Variants in CNN3 observed in about 807,000 individuals in gnomAD.
CNN3 encodes the protein calponin-3.
CNN3 carries 11 observed loss-of-function variants against 39.0 expected under a neutral mutation model. The ratio of observed to expected loss-of-function variants is 0.28; its 90% CI spans 0.18 to 0.47. The LOEUF is 0.47. CNN3 is among the 20% of genes least tolerant of loss of function. The pLI is 0.99. For synonymous variants in CNN3, 101 were observed against 138.3 expected, an observed-to-expected ratio of 0.73 and a Z score of 1.89; for missense variants, 266 against 403.4, an observed-to-expected ratio of 0.66 and a Z score of 2.92.
chr1:94,916,568 T>C (rs1006535035), intron 1 of CNN3, among the ~76,000 whole-genome samples: 1 of 152,218 alleles, frequency 6.6e-6, no homozygotes, highest in Non-Finnish European at 1.5e-5. Flanking sequence ...CTCCAGCTTC[T>C]TGTTAAAGGA....
intron 1 of CNN3, among the ~76,000 whole-genome samples, chr1:94,909,676 A>C (rs896066139): frequency 2.0e-5 from 3 of 152,214 alleles, no homozygotes. Flanking sequence ...AGCTGCTGGG[A>C]AACAGCCATG....
At chr1:94,924,587 C>A (rs749561971) in intron 1 of CNN3, 2 of 152,250 alleles carry the variant, frequency 1.3e-5, no homozygotes, top group Non-Finnish European at 2.9e-5. Flanking sequence ...CGCGCCACTG[C>A]ACTCCAGCCT....
chr1:94,916,369 G>A (rs1212249683), intron 1 of CNN3, among the ~76,000 whole-genome samples: 1 of 152,138 alleles, frequency 6.6e-6, no homozygotes, highest in African/African-American at 2.4e-5. Context: ...TCATGCCACT[G>A]CACTCCAGCC....
rs373296657 is a variant in CNN3, at chr1:94,924,633, GA to G, written c.57+2204del. On this transcript the variant is annotated intron_variant, in intron 1 of 6. Coordinates refer to ENST00000370206, the MANE Select transcript of CNN3 (RefSeq NM_001839.5). Reference sequence around the variant, plus strand: ...GCAAGACTCCGTCTCAAAAAAGAAAGAAAAAAAAATGGGGGGAAGGCGACAG... The same window carrying G: ...GCAAGACTCCGTCTCAAAAAAGAAAGAAAAAAAATGGGGGGAAGGCGACAG... 7.2e-3 allele frequency among the ~76,000 whole-genome samples: 1,085 copies of G among 150,820 alleles called. 4 individuals carry two copies. Among genetic ancestry groups the G allele is most frequent in the African/African-American group, 0.015 (629 of 41,122 alleles).
rs555827535 is a variant in CNN3 at position 94,904,007 on chromosome 1, A to G, written c.58-483T>C. Among the ~76,000 whole-genome samples, 10 of 152,276 alleles carry G rather than the reference A, an allele frequency of 6.6e-5. No individual in the cohort carries two copies. In the East Asian group the frequency reaches 9.6e-4, roughly 15 times the overall value. The stretch of plus-strand genomic sequence containing the variant: ...AAGTTCTGGTATTTGCCTTCTATTC[A>G]GCCAAATACACACTATATACTAAAC... On this transcript the variant is annotated intron_variant, in intron 1 of 6. Coordinates refer to ENST00000370206, the MANE Select transcript of CNN3 (RefSeq NM_001839.5).
chr1:94,903,464 T>C lies in CNN3; in HGVS notation c.118A>G (p.Thr40Ala). The C allele has an allele frequency of 6.2e-7, 1 of 1,613,358 alleles. No homozygotes were observed. Residue 40 changes from threonine to alanine, a missense_variant, in exon 2 of 7, where the codon ACA (threonine) becomes GCA (alanine). Coordinates refer to ENST00000370206, the MANE Select transcript of CNN3 (RefSeq NM_001839.5). ...EDLRNWIEEV[T>A]GMSIGPNFQL... Reference sequence around the variant, plus strand: ...AAGTTGGGGCCAATGCTCATGCCTGTCACCTCTTCTATCCAATTGCGAAGA... The same window carrying C: ...AAGTTGGGGCCAATGCTCATGCCTGCCACCTCTTCTATCCAATTGCGAAGA...
intron 1 of CNN3, among the ~76,000 whole-genome samples, chr1:94,908,979 T>A (rs1378757521): frequency 5.2e-5 from 7 of 134,434 alleles, no homozygotes; most frequent in Admixed American, 3.0e-4. Flanking sequence ...CCCGTCTCTT[T>A]AAAAAAAAAA....
chr1:94,926,974 A>T lies in CNN3; in HGVS notation c.-80T>A, dbSNP rs1001888883. Reference sequence around the variant, plus strand: ...CGCTTCCCCGCTCCTGGCCCCGAGGAGTGGCCGCCGCGGGGGATGCTCGAA... The same window carrying T: ...CGCTTCCCCGCTCCTGGCCCCGAGGTGTGGCCGCCGCGGGGGATGCTCGAA... On this transcript the variant is annotated 5_prime_UTR_variant, in exon 1 of 7. Coordinates refer to ENST00000370206, the MANE Select transcript of CNN3 (RefSeq NM_001839.5). The surrounding 1 kb of genome is among the most constrained non-coding windows in gnomAD (Gnocchi z 4.2). 3.4e-6 allele frequency: 5 copies of T among 1,466,656 alleles called. No individual in the cohort carries two copies. Among genetic ancestry groups the T allele is most frequent in the Non-Finnish European group, 4.7e-6 (5 of 1,068,230 alleles). 90.9% of individuals were successfully genotyped at this position (1,466,656 alleles called of 1,614,324 possible).
chr1:94,902,028 C>T, intron 4 of CNN3, 93 bp downstream of exon 4: 4 of 1,125,386 alleles, frequency 3.6e-6, no homozygotes, highest in Non-Finnish European at 5.3e-6. Flanking sequence ...GGCCCCGCCC[C>T]ACCTGGTCTG....
intron 1 of CNN3, among the ~76,000 whole-genome samples, chr1:94,907,763 G>C (rs535825636): frequency 6.6e-6 from 1 of 152,208 alleles, no homozygotes; most frequent in Admixed American, 6.5e-5. Flanking sequence ...GGGAGGCTGA[G>C]GCAGGAGAAT....
At chr1:94,901,909 C>A in intron 4 of CNN3, 124 bp from the exon 5 acceptor site, 1 of 720,946 alleles carries the variant, frequency 1.4e-6, no homozygotes, top group Non-Finnish European at 2.3e-6. Context: ...TAAGGCTGTT[C>A]AATAATATAC....
At chr1:94,906,322 G>A (rs1671000419) in intron 1 of CNN3, among the ~76,000 whole-genome samples, 1 of 152,114 alleles carries the variant, frequency 6.6e-6, no homozygotes, top group Non-Finnish European at 1.5e-5. Flanking sequence ...TTTACACTGG[G>A]GTCTTGTTCT....
At chr1:94,914,300 C>T (rs1024477266) in intron 1 of CNN3, among the ~76,000 whole-genome samples, 5 of 152,180 alleles carry the variant, frequency 3.3e-5, no homozygotes, top group African/African-American at 1.2e-4. Flanking sequence ...AATGTACACT[C>T]ACTCCTCATC....
rs142838902 is a variant in CNN3, at chr1:94,907,657, A to G, written c.58-4133T>C. Among the ~76,000 whole-genome samples, 1,320 of 152,262 alleles carry G rather than the reference A, an allele frequency of 8.7e-3. 21 individuals carry two copies. The highest frequency in any genetic ancestry group is 0.025 in the African/African-American group (1,027 of 41,560). ...GGGCAGATCGTGAGGTCAGGAGATCAAGACCATCCTGGCTAACACGGTGAA... is the reference window on the plus strand; with the variant it reads ...GGGCAGATCGTGAGGTCAGGAGATCGAGACCATCCTGGCTAACACGGTGAA... On this transcript the variant is annotated intron_variant, in intron 1 of 6. Transcript: ENST00000370206.
intron 1 of CNN3, among the ~76,000 whole-genome samples, chr1:94,906,037 C>G (rs1265147795): frequency 6.6e-6 from 1 of 152,134 alleles, no homozygotes; most frequent in Non-Finnish European, 1.5e-5. Context: ...GGCTGGAGTG[C>G]AGTGGCGTGA....
chr1:94,926,711 C>G lies in CNN3; in HGVS notation c.57+127G>C, dbSNP rs1671592999. 1.9e-6 allele frequency: 2 copies of G among 1,079,668 alleles called. No individual in the cohort carries two copies. The highest frequency in any genetic ancestry group is 2.7e-6 in the Non-Finnish European group (2 of 733,440). The allele number at this position is 1,079,668 out of a possible 1,614,324, so 66.9% of individuals were successfully genotyped here. On this transcript the variant is annotated intron_variant, in intron 1 of 6. Transcript: ENST00000370206. The surrounding 1 kb of genome is among the most constrained non-coding windows in gnomAD (Gnocchi z 4.2). ...ACCGGGACAGGCAGAGACGCTCGCG[C>G]CGCCTCGACGGCCCCTCTCCAGGAA...
chr1:94,919,336 T>C (rs746619612), intron 1 of CNN3, among the ~76,000 whole-genome samples: 4 of 152,174 alleles, frequency 2.6e-5, no homozygotes, highest in Non-Finnish European at 5.9e-5. Flanking sequence ...CACAAGATGA[T>C]GCCTAATGTA....
At chr1:94,910,233 C>T (rs1403594489) in intron 1 of CNN3, among the ~76,000 whole-genome samples, 1 of 152,208 alleles carries the variant, frequency 6.6e-6, no homozygotes, top group African/African-American at 2.4e-5. Context: ...CTTTCATCTT[C>T]TTTCTCCATT....
intron 1 of CNN3, among the ~76,000 whole-genome samples, chr1:94,905,234 C>T (rs573695095): frequency 5.3e-5 from 8 of 152,276 alleles, no homozygotes; most frequent in East Asian, 1.9e-4. Flanking sequence ...AGATTCAAAG[C>T]GTACACTTGA....
Sources: allele counts gnomAD v4.1 joint callset (sites outside exome capture counted in the v4.1 genomes callset), GRCh38; gene constraint gnomAD v4.1.1; non-coding constraint Gnocchi (gnomAD v3.1); transcripts MANE v1.5; gene names NCBI Gene and HGNC (gene_info 2026-07-23, HGNC 2026-07-21).